Variants in KIF15 observed in about 807,000 individuals in gnomAD.
KIF15 encodes kinesin family member 15.
A neutral mutation model predicts 190.6 loss-of-function variants in KIF15; 140 were observed. The ratio of observed to expected loss-of-function variants is 0.73; its 90% CI spans 0.64 to 0.84. The LOEUF (loss-of-function observed/expected upper bound fraction) is 0.84, where lower values mean the gene tolerates loss of function less well. KIF15 is among the 40% of genes least tolerant of loss of function. KIF15 has a pLI of 0.00. For missense variants in KIF15, 1,372 were observed against 1,584.4 expected (o/e 0.87, Z 2.28); for synonymous variants, 528 against 551.3 (o/e 0.96, Z 0.59).
At chr3:44,819,377 C>T (rs2125673654) in intron 20 of KIF15, among the ~76,000 whole-genome samples, 1 of 152,286 alleles carries the variant, frequency 6.6e-6, no homozygotes, top group South Asian at 2.1e-4. Flanking sequence ...CTCCTGTGGG[C>T]ATTTAGTGCT....
chr3:44,796,596 G>T (rs918211646), intron 8 of KIF15, among the ~76,000 whole-genome samples: 2 of 152,102 alleles, frequency 1.3e-5, no homozygotes, highest in African/African-American at 4.8e-5. Flanking sequence ...AATGATAACA[G>T]CAGTGACTCT....
At chr3:44,846,661 C>A (rs1698860459) in intron 30 of KIF15, among the ~76,000 whole-genome samples, 1 of 150,998 alleles carries the variant, frequency 6.6e-6, no homozygotes, top group South Asian at 2.1e-4. Flanking sequence ...GTAATCCCAG[C>A]TACTCAGGAG....
chr3:44,779,481 T>C (rs986051652), intron 4 of KIF15, among the ~76,000 whole-genome samples: 1 of 152,186 alleles, frequency 6.6e-6, no homozygotes, highest in Non-Finnish European at 1.5e-5. Context: ...AATTGTCAAG[T>C]AATTATTAGT....
At chr3:44,783,583 T>TATCAAATTG (rs58821380) in intron 5 of KIF15, among the ~76,000 whole-genome samples, 90,302 of 151,490 alleles carry the variant, frequency 0.6, 27,429 homozygotes, top group East Asian at 0.88. Context: ...AAACATACTA[T>TATCAAATTG]ATCTTTATAT....
chr3:44,829,511 A>G lies in KIF15; in HGVS notation c.2944-460A>G, dbSNP rs145950573. On this transcript the variant is annotated intron_variant, in intron 24 of 34. Transcript: ENST00000326047. Reference sequence around the variant, plus strand: ...TAATATATGCATATATAATATACGCATATATATTATATGTATATAATATGT... The same window carrying G: ...TAATATATGCATATATAATATACGCGTATATATTATATGTATATAATATGT... 5.6e-3 allele frequency among the ~76,000 whole-genome samples: 441 copies of G among 78,620 alleles called. 11 individuals carry two copies. The highest frequency in any genetic ancestry group is 0.023 in the African/African-American group (399 of 17,684). 51.6% of individuals were successfully genotyped at this position (78,620 alleles called of 152,430 possible).
At chr3:44,835,729 C>A (rs151181405) in intron 26 of KIF15, among the ~76,000 whole-genome samples, 1 of 152,072 alleles carries the variant, frequency 6.6e-6, no homozygotes, top group Non-Finnish European at 1.5e-5. Context: ...AAATAGAGAG[C>A]AGTGAATATG....
intron 6 of KIF15, among the ~76,000 whole-genome samples, chr3:44,860,701 C>T (rs1440939945): frequency 6.6e-6 from 1 of 152,052 alleles, no homozygotes; most frequent in Non-Finnish European, 1.5e-5. Context: ...AGCCACAAAA[C>T]CACCCTGTGA....
In KIF15 at chr3:44,761,845, G is replaced by T. The variant is rs766366084; in HGVS notation, c.-21G>T. 38 of 1,614,082 alleles carry T rather than the reference G, an allele frequency of 2.4e-5. No homozygotes were observed. The Admixed American group carries it at 6.3e-4, about 27-fold the overall frequency. On this transcript the variant is annotated 5_prime_UTR_variant, in exon 1 of 35. Transcript: ENST00000326047. ...GGAGGCACCGGCTGCATTGTTTTCG[G>T]GATCGAGGGGTGAGGGCGCTATGGC... is the stretch of plus-strand genomic sequence containing the variant.
chr3:44,814,190 G>A (rs1338551610), intron 19 of KIF15, among the ~76,000 whole-genome samples: 2 of 152,230 alleles, frequency 1.3e-5, no homozygotes, highest in African/African-American at 2.4e-5. Context: ...TAGAAGACCT[G>A]AAGTAGTTAA....
intron 1 of KIF15, among the ~76,000 whole-genome samples, chr3:44,769,547 G>A (rs72874090): frequency 0.014 from 2,101 of 152,254 alleles, 47 homozygotes; most frequent in African/African-American, 0.047. Flanking sequence ...CATTTATGTC[G>A]TGGATACTAG....
chr3:44,774,320 C>A, intron 1 of KIF15, 75 bp from the exon 2 acceptor site: 1 of 1,348,270 alleles, frequency 7.4e-7, no homozygotes, highest in Non-Finnish European at 1.0e-6. Flanking sequence ...GCAGGCAACC[C>A]AGGAACATGT....
chr3:44,801,675 A>C, intron 12 of KIF15, 90 bp from the exon 13 acceptor site: 1 of 967,142 alleles, frequency 1.0e-6, no homozygotes, highest in Non-Finnish European at 1.6e-6. Context: ...TTAAGATTAA[A>C]TATGAAATTA....
chr3:44,858,991 G>T (rs115486279), intron 6 of KIF15, among the ~76,000 whole-genome samples: 1 of 152,328 alleles, frequency 6.6e-6, no homozygotes, highest in South Asian at 2.1e-4. Flanking sequence ...AGAGAGCCCC[G>T]GGCCAGAGTT....
In KIF15 at chr3:44,843,190, C is replaced by T. The variant is rs1334093541; in HGVS notation, c.3651C>T (p.Leu1217=). 2 of 1,613,334 alleles carry T rather than the reference C, an allele frequency of 1.2e-6. No individual in the cohort carries two copies. The highest frequency in any genetic ancestry group is 1.1e-5 in the South Asian group (1 of 90,992). The change falls in exon 30 of 35, where the codon CTC becomes CTT. Residue 1217 remains leucine, a synonymous_variant. Coordinates refer to ENST00000326047, the MANE Select transcript of KIF15 (RefSeq NM_020242.3). The part of the protein sequence containing the change: ...ESQQLIEKNW[L]LQGQLDDIKR... ...AGCAGTTAATAGAGAAAAACTGGCT[C>T]CTGCAAGGTCAGCTGGATGATATTA...
rs1705151576 is a variant in KIF15 at position 44,761,813 on chromosome 3, G to C, written c.-53G>C. 5.0e-6 allele frequency: 8 copies of C among 1,613,622 alleles called. No homozygotes were observed. Among genetic ancestry groups the C allele is most frequent in the Middle Eastern group, 1.6e-4 (1 of 6,062 alleles). On this transcript the variant is annotated 5_prime_UTR_variant, in exon 1 of 35. Coordinates refer to ENST00000326047, the MANE Select transcript of KIF15 (RefSeq NM_020242.3). ...GAATTCAGTCGCGCGCGGTGCAGTCGGGAGGTGGAGGCACCGGCTGCATTG... is the reference window on the plus strand; with the variant it reads ...GAATTCAGTCGCGCGCGGTGCAGTCCGGAGGTGGAGGCACCGGCTGCATTG...
chr3:44,792,115 T>C (rs1377715697), intron 7 of KIF15, among the ~76,000 whole-genome samples: 1 of 152,212 alleles, frequency 6.6e-6, no homozygotes, highest in African/African-American at 2.4e-5. Flanking sequence ...ATCAGATGTA[T>C]TTAATATGTA....
chr3:44,830,907 C>T lies in KIF15; in HGVS notation c.3060C>T (p.Asn1020=). The change falls in exon 26 of 35, where the codon AAC becomes AAT. Residue 1020 remains asparagine, a synonymous_variant. Coordinates refer to ENST00000326047, the MANE Select transcript of KIF15 (RefSeq NM_020242.3). Reference sequence around the variant, plus strand: ...TTTCTTTTCTACAGTGCAAATACAACTCTGCTTTGGTTGACAGAGAAGAGA... The same window carrying T: ...TTTCTTTTCTACAGTGCAAATACAATTCTGCTTTGGTTGACAGAGAAGAGA... The part of the protein sequence containing the change: ...QELKDINCKY[N]SALVDREESR... 1 of 1,613,570 alleles carries T rather than the reference C, an allele frequency of 6.2e-7. No homozygotes were observed. The highest frequency in any genetic ancestry group is 8.5e-7 in the Non-Finnish European group (1 of 1,179,864).
chr3:44,802,976 G>T lies in KIF15; in HGVS notation c.1672G>T (p.Glu558Ter). The T allele has an allele frequency of 6.3e-7, 1 of 1,594,182 alleles. No individual in the cohort carries two copies. Among genetic ancestry groups the T allele is most frequent in the South Asian group, 1.1e-5 (1 of 87,348 alleles). The change falls in exon 14 of 35, where the codon GAG becomes TAG. Residue 558 changes from glutamate to a stop codon, truncating the protein, a stop_gained. Coordinates refer to ENST00000326047, the MANE Select transcript of KIF15 (RefSeq NM_020242.3). LOFTEE classifies it high-confidence loss of function. ...AGCTTTCTCTGAAATAAGTGGCATG[G>T]AGAAAAGTGACAAAAGTAAGAAATG... The part of the protein sequence containing the change: ...EKAFSEISGM[E>*]KSDKNQQGFS...
In KIF15 at chr3:44,775,454, A is replaced by T. The variant is rs1175301046; in HGVS notation, c.246+17A>T. 1.3e-6 allele frequency: 2 copies of T among 1,539,666 alleles called. No homozygotes were observed. Among genetic ancestry groups the T allele is most frequent in the South Asian group, 1.2e-5 (1 of 84,110 alleles). ...ACCACTCAGGTAATGATAATTAGAA[A>T]CTTAACTTTTTTTTTTTTTTGAAAA... is the stretch of plus-strand genomic sequence containing the variant. On this transcript the variant is annotated intron_variant, in intron 3 of 34. Coordinates refer to ENST00000326047, the MANE Select transcript of KIF15 (RefSeq NM_020242.3).
Sources: gnomAD v4.1 joint callset for allele counts (sites outside exome capture counted in the v4.1 genomes callset) on GRCh38, gnomAD v4.1.1 for gene constraint, MANE v1.5 for transcripts, NCBI Gene and HGNC (gene_info 2026-07-23, HGNC 2026-07-21) for gene names.